CPQ: variants seen among roughly 807,000 people sequenced by gnomAD.
CPQ encodes carboxypeptidase Q.
CPQ carries 37 observed loss-of-function variants against 45.7 expected under a neutral mutation model. That is an observed-to-expected ratio of 0.81 (90% CI 0.62 to 1.07). The LOEUF (loss-of-function observed/expected upper bound fraction) is 1.07. Ranked by LOEUF, CPQ falls within the 50% of genes least tolerant of loss-of-function variation. CPQ has a pLI of 0.00. For missense variants in CPQ, 537 were observed against 572.9 expected (o/e 0.94, Z 0.64); for synonymous variants, 186 against 205.8 (o/e 0.90, Z 0.82).
At chr8:97,044,844 A>G (rs976711406) in intron 6 of CPQ, among the ~76,000 whole-genome samples, 3 of 152,106 alleles carry the variant, frequency 2.0e-5, no homozygotes, top group Non-Finnish European at 4.4e-5. Context: ...TTCCTCTGGA[A>G]TTTTTGTCTC....
At chr8:96,736,602 G>A (rs1809985246) in intron 1 of CPQ, among the ~76,000 whole-genome samples, 1 of 152,114 alleles carries the variant, frequency 6.6e-6, no homozygotes, top group African/African-American at 2.4e-5. Context: ...AATGGGTACT[G>A]CTTCTGATCT....
intron 7 of CPQ, among the ~76,000 whole-genome samples, chr8:97,084,931 C>A (rs1811015955): frequency 6.6e-6 from 1 of 151,920 alleles, no homozygotes; most frequent in Admixed American, 6.6e-5. Flanking sequence ...TTGTAAGTTG[C>A]TGCTTTTATT....
intron 5 of CPQ, among the ~76,000 whole-genome samples, chr8:96,976,007 A>G (rs974009300): frequency 1.3e-5 from 2 of 152,098 alleles, no homozygotes; most frequent in African/African-American, 2.4e-5. Flanking sequence ...GACAAGAAAA[A>G]GATATCAAGT....
chr8:96,981,556 T>C (rs760857921), intron 5 of CPQ, among the ~76,000 whole-genome samples: 1 of 152,204 alleles, frequency 6.6e-6, no homozygotes. Flanking sequence ...TTATCTTTTA[T>C]AGTGAAATAA....
At chr8:96,735,127 G>A (rs1809965992) in intron 1 of CPQ, among the ~76,000 whole-genome samples, 1 of 151,900 alleles carries the variant, frequency 6.6e-6, no homozygotes, top group African/African-American at 2.4e-5. Flanking sequence ...GTTTTTTTCA[G>A]GACACTTATC....
At chr8:97,126,311 C>G (rs1354393143) in intron 7 of CPQ, among the ~76,000 whole-genome samples, 1 of 152,158 alleles carries the variant, frequency 6.6e-6, no homozygotes, top group East Asian at 1.9e-4. Flanking sequence ...GGACAGGTAG[C>G]TGCTGGGCAG....
At chr8:96,712,177 C>T (rs1809615787) in intron 1 of CPQ, among the ~76,000 whole-genome samples, 1 of 152,206 alleles carries the variant, frequency 6.6e-6, no homozygotes, top group Non-Finnish European at 1.5e-5. Context: ...GGTGGACATC[C>T]ATGGTCTTGG....
chr8:96,917,588 T>G (rs1441355544), intron 4 of CPQ, among the ~76,000 whole-genome samples: 1 of 152,114 alleles, frequency 6.6e-6, no homozygotes, highest in East Asian at 1.9e-4. Context: ...AGAATGGCAT[T>G]AAAAATATGT....
chr8:96,836,444 G>C (rs1222177578), intron 3 of CPQ, among the ~76,000 whole-genome samples: 2 of 152,140 alleles, frequency 1.3e-5, no homozygotes, highest in African/African-American at 4.8e-5. Context: ...TAGTTACATT[G>C]ATGTCATAGT....
intron 3 of CPQ, among the ~76,000 whole-genome samples, chr8:96,837,581 C>T (rs1236646005): frequency 6.6e-6 from 1 of 152,000 alleles, no homozygotes; most frequent in Admixed American, 6.6e-5. Flanking sequence ...ACTGTTTGAC[C>T]TGTGTATCCT....
Position 96,805,948 on chromosome 8 carries a change from T to G in CPQ, c.433+20618T>G, listed in dbSNP as rs554263545. ...TTGCATATGACCTTCTGGGTGGTTC[T>G]AGAGTCTGGATCTGAGTCACTTCTG... is the stretch of plus-strand genomic sequence containing the variant. On this transcript the variant is annotated intron_variant, in intron 2 of 7. Coordinates refer to ENST00000220763, the MANE Select transcript of CPQ (RefSeq NM_016134.4). 2.0e-5 allele frequency among the ~76,000 whole-genome samples: 3 copies of G among 152,288 alleles called. No homozygotes were observed. In the South Asian group the frequency reaches 6.2e-4, roughly 32 times the overall value.
intron 7 of CPQ, among the ~76,000 whole-genome samples, chr8:97,103,999 G>A (rs984290358): frequency 2.6e-5 from 4 of 152,104 alleles, no homozygotes; most frequent in African/African-American, 9.7e-5. Context: ...TGTAAATGGG[G>A]TACTAGAAAG....
intron 4 of CPQ, among the ~76,000 whole-genome samples, chr8:96,909,534 A>G (rs1320667251): frequency 1.3e-5 from 2 of 152,094 alleles, no homozygotes; most frequent in Non-Finnish European, 2.9e-5. Context: ...ATTTCCTTTT[A>G]ATGAGAGGGA....
chr8:96,684,290 C>T (rs1809194446), intron 1 of CPQ, among the ~76,000 whole-genome samples: 1 of 152,174 alleles, frequency 6.6e-6, no homozygotes, highest in African/African-American at 2.4e-5. Flanking sequence ...TGCATGATTT[C>T]TTTGGCTGTA....
intron 7 of CPQ, among the ~76,000 whole-genome samples, chr8:97,068,564 C>T (rs550247409): frequency 1.3e-5 from 2 of 152,074 alleles, no homozygotes; most frequent in Non-Finnish European, 2.9e-5. Context: ...ACCCAGGAGG[C>T]GGCAGTTGCA....
At chr8:96,857,473 A>T (rs1369780609) in intron 3 of CPQ, among the ~76,000 whole-genome samples, 1 of 152,196 alleles carries the variant, frequency 6.6e-6, no homozygotes, top group East Asian at 1.9e-4. Flanking sequence ...TCAGATAAGG[A>T]TAAACGATCA....
At chr8:96,919,404 C>A (rs1812778670) in intron 4 of CPQ, among the ~76,000 whole-genome samples, 1 of 152,118 alleles carries the variant, frequency 6.6e-6, no homozygotes. Context: ...ATCTAACTAA[C>A]TAACGTATGT....
At chr8:96,926,625 C>CCT (rs1812892513) in intron 4 of CPQ, among the ~76,000 whole-genome samples, 45 of 58,488 alleles carry the variant, frequency 7.7e-4, no homozygotes, top group African/African-American at 2.8e-3. Flanking sequence ...TTCTTCTTCT[C>CCT]CTCCTTCTCC....
At position 96,838,794 on chromosome 8, in the gene CPQ, C is replaced by T. The variant is rs181835597; in HGVS notation, c.641+3614C>T. ...TCATGGCAGGGCTCTCGTAACAAAC[C>T]AGCTGACCCGGTTCCTGGTGCTCTT... On this transcript the variant is annotated intron_variant, in intron 3 of 7. Coordinates refer to ENST00000220763, the MANE Select transcript of CPQ (RefSeq NM_016134.4). Among the ~76,000 whole-genome samples, 334 of 152,184 alleles carry T rather than the reference C, an allele frequency of 2.2e-3. 2 individuals carry two copies. The highest frequency in any genetic ancestry group is 7.6e-3 in the African/African-American group (315 of 41,520).
Sources: allele counts gnomAD v4.1 joint callset (sites outside exome capture counted in the v4.1 genomes callset), GRCh38; gene constraint gnomAD v4.1.1; transcripts MANE v1.5; gene names NCBI Gene and HGNC (gene_info 2026-07-23, HGNC 2026-07-21).